PTPRG: variants seen among roughly 807,000 people sequenced by gnomAD.
PTPRG encodes protein tyrosine phosphatase receptor type G, also known as receptor-type tyrosine-protein phosphatase gamma.
PTPRG carries 102 observed loss-of-function variants against 165.3 expected under a neutral mutation model. That is an observed-to-expected ratio of 0.62 (90% CI 0.53 to 0.73). The LOEUF (loss-of-function observed/expected upper bound fraction) is 0.73, where lower values mean the gene tolerates loss of function less well. PTPRG is among the 30% of genes least tolerant of loss of function. The probability of loss-of-function intolerance (pLI) is 0.00; values close to 1 mark genes in which losing one functional copy is unlikely to be tolerated. For missense variants in PTPRG, 1,866 were observed against 1,861.4 expected (o/e 1.00, Z -0.05); for synonymous variants, 675 against 669.5 (o/e 1.01, Z -0.13).
chr3:61,704,333 T>C (rs1575599616), intron 1 of PTPRG, among the ~76,000 whole-genome samples: 1 of 152,182 alleles, frequency 6.6e-6, no homozygotes, highest in East Asian at 1.9e-4. Context: ...TTGGGCACTA[T>C]TGGACACTTT....
intron 4 of PTPRG, among the ~76,000 whole-genome samples, chr3:62,009,540 C>CTAA: frequency 6.6e-6 from 1 of 152,184 alleles, no homozygotes. Context: ...GAGAGCCTTC[C>CTAA]TAATGATTTG....
rs563362887 is a variant in PTPRG, at chr3:61,705,578, G to A, written c.86-43300G>A. 5.3e-5 allele frequency among the ~76,000 whole-genome samples: 8 copies of A among 152,294 alleles called. No homozygotes were observed. In the East Asian group the frequency reaches 1.5e-3, roughly 29 times the overall value. ...GAAAGGATGCTTTGTCACCAAAGGA[G>A]TAGGAGGTGTATAACTGTGCAATAA... On this transcript the variant is annotated intron_variant, in intron 1 of 29. Transcript: ENST00000474889.
At chr3:61,735,869 T>G (rs990393731) in intron 1 of PTPRG, among the ~76,000 whole-genome samples, 6 of 151,950 alleles carry the variant, frequency 3.9e-5, no homozygotes, top group African/African-American at 1.5e-4. Context: ...GGAGGCAGAG[T>G]TGAGGTTGAG....
chr3:62,130,860 A>T (rs1174851326), intron 5 of PTPRG, among the ~76,000 whole-genome samples: 1 of 152,096 alleles, frequency 6.6e-6, no homozygotes, highest in African/African-American at 2.4e-5. Context: ...GCTTCTTCTC[A>T]GGCAATTTGT....
intron 1 of PTPRG, among the ~76,000 whole-genome samples, chr3:61,621,188 T>C (rs1701449407): frequency 6.6e-6 from 1 of 151,976 alleles, no homozygotes; most frequent in Non-Finnish European, 1.5e-5. Context: ...GGCTAAATAT[T>C]GTTTCCCACA....
intron 5 of PTPRG, among the ~76,000 whole-genome samples, chr3:62,102,394 C>T (rs1279823117): frequency 6.6e-6 from 1 of 152,182 alleles, no homozygotes; most frequent in Non-Finnish European, 1.5e-5. Flanking sequence ...TCTGCCTCAG[C>T]CTCCCGAGTA....
intron 1 of PTPRG, among the ~76,000 whole-genome samples, chr3:61,629,641 C>T (rs1421387718): frequency 2.0e-5 from 3 of 152,168 alleles, no homozygotes; most frequent in Non-Finnish European, 4.4e-5. Flanking sequence ...AAGAAAGCTC[C>T]TTGCCAGCTG....
chr3:61,821,783 G>A (rs1463264800), intron 2 of PTPRG, among the ~76,000 whole-genome samples: 4 of 152,284 alleles, frequency 2.6e-5, no homozygotes, highest in Admixed American at 1.3e-4. Context: ...GAGAACATCC[G>A]CCCAAGATGC....
Position 62,277,581 on chromosome 3 carries a change from A to G in PTPRG, c.3667A>G (p.Thr1223Ala). The change falls in exon 26 of 30, where the codon ACT becomes GCT. Residue 1223 changes from threonine (T) to alanine (A), a missense_variant. By Grantham distance (58) the Thr-to-Ala change is moderately conservative. Around this residue, in one of 3 missense-constraint regions of PTPRG, gnomAD observed 1,452 missense variants for 1,463.0 expected, o/e 0.99. Coordinates refer to ENST00000474889, the MANE Select transcript of PTPRG (RefSeq NM_002841.4). ...TTATAGGAGCAATGAATTTATTATA[A>G]CTCAGCATCCTCTGCCACATACTAC... ...GYYRSNEFIITQHPLPHTTKD... is the reference protein window; with the variant it reads ...GYYRSNEFIIAQHPLPHTTKD... The G allele has an allele frequency of 6.2e-7, 1 of 1,612,120 alleles. No individual in the cohort carries two copies. The highest frequency in any genetic ancestry group is 8.5e-7 in the Non-Finnish European group (1 of 1,179,200).
intron 5 of PTPRG, among the ~76,000 whole-genome samples, chr3:62,080,155 C>T (rs1397331229): frequency 6.6e-6 from 1 of 151,320 alleles, no homozygotes; most frequent in Non-Finnish European, 1.5e-5. Context: ...ACAACCTCCG[C>T]CTCCCGGGTT....
chr3:62,140,232 G>C (rs569380474), intron 6 of PTPRG, among the ~76,000 whole-genome samples: 1 of 152,242 alleles, frequency 6.6e-6, no homozygotes, highest in East Asian at 1.9e-4. Context: ...TTCTGCTGAC[G>C]TTACACATGC....
intron 1 of PTPRG, among the ~76,000 whole-genome samples, chr3:61,579,063 GT>G (rs1231424891): frequency 1.3e-5 from 2 of 152,194 alleles, no homozygotes; most frequent in East Asian, 3.9e-4. Context: ...CAGCCTGTGA[GT>G]GTCCACATGG....
chr3:62,095,218 C>T (rs1013504549), intron 5 of PTPRG, among the ~76,000 whole-genome samples: 2 of 152,140 alleles, frequency 1.3e-5, no homozygotes, highest in African/African-American at 4.8e-5. Context: ...GTCTTGGTGT[C>T]AGAGGGGACT....
chr3:61,834,686 G>T (rs1182675583), intron 2 of PTPRG, among the ~76,000 whole-genome samples: 2 of 152,056 alleles, frequency 1.3e-5, no homozygotes, highest in South Asian at 2.1e-4. Context: ...GGTGGCGTGT[G>T]CCTGTAGTCC....
At chr3:61,766,541 T>G (rs2034020778) in intron 2 of PTPRG, among the ~76,000 whole-genome samples, 1 of 152,124 alleles carries the variant, frequency 6.6e-6, no homozygotes, top group Non-Finnish European at 1.5e-5. Context: ...CTCTCTTTAG[T>G]AGACTGCATT....
chr3:61,882,082 T>A lies in PTPRG; in HGVS notation c.191-107543T>A, dbSNP rs548005107. Among the ~76,000 whole-genome samples, 221 of 152,334 alleles carry A rather than the reference T, an allele frequency of 1.5e-3. 2 individuals carry two copies. Among genetic ancestry groups the A allele is most frequent in the African/African-American group, 5.0e-3 (208 of 41,570 alleles). On this transcript the variant is annotated intron_variant, in intron 2 of 29. Coordinates refer to ENST00000474889, the MANE Select transcript of PTPRG (RefSeq NM_002841.4). Reference sequence around the variant, plus strand: ...TTACATGCCATTACAACTGACAGTATACCCCCTTTTAAAGAAAATACATGT... The same window carrying A: ...TTACATGCCATTACAACTGACAGTAAACCCCCTTTTAAAGAAAATACATGT...
chr3:61,991,759 C>T (rs1027716622), intron 3 of PTPRG, among the ~76,000 whole-genome samples: 6 of 152,224 alleles, frequency 3.9e-5, no homozygotes, highest in African/African-American at 1.4e-4. Context: ...CAAAGACAAT[C>T]ACTGGGCTCT....
intron 4 of PTPRG, among the ~76,000 whole-genome samples, chr3:62,030,952 T>G (rs1699750193): frequency 6.6e-6 from 1 of 152,186 alleles, no homozygotes; most frequent in Non-Finnish European, 1.5e-5. Context: ...AAGACACAAT[T>G]TGTTGGTGTA....
At chr3:61,626,022 T>TG (rs1177874249) in intron 1 of PTPRG, among the ~76,000 whole-genome samples, 2 of 109,698 alleles carry the variant, frequency 1.8e-5, no homozygotes, top group African/African-American at 4.5e-5. Context: ...TTTTTTTTTT[T>TG]TGGGGGGGCG....
Sources: allele counts gnomAD v4.1 joint callset (sites outside exome capture counted in the v4.1 genomes callset), GRCh38; gene constraint gnomAD v4.1.1; regional missense constraint gnomAD v4.1.1; transcripts MANE v1.5; gene names NCBI Gene and HGNC (gene_info 2026-07-23, HGNC 2026-07-21).